The following ARHGAP24 variants were observed in gnomAD, a reference collection of about 807,000 sequenced individuals.
ARHGAP24 encodes the protein Rho GTPase activating protein 24.
Under a neutral mutation model 76.4 loss-of-function variants are expected in ARHGAP24, and 50 were observed. The observed-to-expected ratio is 0.65, with a 90% CI of 0.52 to 0.83. The LOEUF (loss-of-function observed/expected upper bound fraction) is 0.83. Among genes scored for constraint, ARHGAP24 ranks in the 40% least tolerant of loss-of-function variants. ARHGAP24 has a pLI of 0.00. For missense variants in ARHGAP24, 930 were observed against 914.2 expected (o/e 1.02, Z -0.22); for synonymous variants, 345 against 323.3 (o/e 1.07, Z -0.72).
At chr4:85,934,427 T>C (rs1478487185) in intron 4 of ARHGAP24, among the ~76,000 whole-genome samples, 1 of 152,258 alleles carries the variant, frequency 6.6e-6, no homozygotes, top group Non-Finnish European at 1.5e-5. Flanking sequence ...CTTCAAGGCA[T>C]CACTGACTCT....
At chr4:85,524,901 A>G (rs1724920202) in intron 1 of ARHGAP24, among the ~76,000 whole-genome samples, 1 of 152,124 alleles carries the variant, frequency 6.6e-6, no homozygotes, top group South Asian at 2.1e-4. Context: ...GCAGACTAAA[A>G]CCCAACAAAT....
intron 3 of ARHGAP24, among the ~76,000 whole-genome samples, chr4:85,905,675 C>T (rs189829021): frequency 5.3e-5 from 8 of 152,302 alleles, no homozygotes; most frequent in Admixed American, 1.3e-4. Context: ...TTCTGTTGCA[C>T]ATTAGTTTAT....
intron 2 of ARHGAP24, among the ~76,000 whole-genome samples, chr4:85,691,567 G>T (rs938746022): frequency 6.6e-6 from 1 of 152,088 alleles, no homozygotes; most frequent in Non-Finnish European, 1.5e-5. Context: ...AATCTTGTTG[G>T]ATTGTACCTT....
At chr4:85,700,908 C>T (rs571065041) in intron 2 of ARHGAP24, among the ~76,000 whole-genome samples, 1 of 152,088 alleles carries the variant, frequency 6.6e-6, no homozygotes, top group African/African-American at 2.4e-5. Context: ...TAAAATATCT[C>T]TCTTTGTTTG....
At chr4:85,561,474 G>T (rs961131584) in intron 1 of ARHGAP24, among the ~76,000 whole-genome samples, 1 of 152,140 alleles carries the variant, frequency 6.6e-6, no homozygotes, top group African/African-American at 2.4e-5. Flanking sequence ...TGGAGAGTGA[G>T]GGGACAGAAA....
chr4:85,753,945 C>G (rs1383619675), intron 3 of ARHGAP24, among the ~76,000 whole-genome samples: 1 of 152,092 alleles, frequency 6.6e-6, no homozygotes, highest in African/African-American at 2.4e-5. Flanking sequence ...TTGTAATATA[C>G]AATAATATAC....
Position 85,977,656 on chromosome 4 carries a change from G to T in ARHGAP24, c.893G>T (p.Arg298Leu), listed in dbSNP as rs1007199761. 4 of 1,613,694 alleles carry T rather than the reference G, an allele frequency of 2.5e-6. No homozygotes were observed. Among genetic ancestry groups the T allele is most frequent in the Non-Finnish European group, 3.4e-6 (4 of 1,179,808 alleles). ...ACGGTCTTTGGTCCTAATATCCTGC[G>T]CCCCAAAGTGGAAGATCCTTTGACT... Reference protein sequence around the residue: ...LATVFGPNILRPKVEDPLTIM... With the variant: ...LATVFGPNILLPKVEDPLTIM... The change falls in exon 8 of 10, where the codon CGC (arginine) becomes CTC (leucine). Residue 298 changes from arginine to leucine, a missense_variant. Coordinates refer to ENST00000395184, the MANE Select transcript of ARHGAP24 (RefSeq NM_001025616.3).
At chr4:85,579,775 G>A (rs1004769722) in intron 2 of ARHGAP24, among the ~76,000 whole-genome samples, 3 of 151,964 alleles carry the variant, frequency 2.0e-5, no homozygotes, top group Non-Finnish European at 4.4e-5. Flanking sequence ...GTTGTAACAT[G>A]CTATCAGTAC....
At chr4:85,496,095 G>A (rs1723571526) in intron 1 of ARHGAP24, among the ~76,000 whole-genome samples, 1 of 152,180 alleles carries the variant, frequency 6.6e-6, no homozygotes, top group Non-Finnish European at 1.5e-5. Flanking sequence ...GTCACACTTA[G>A]TGATTACAAA....
At chr4:85,916,167 C>T (rs1243064609) in intron 3 of ARHGAP24, among the ~76,000 whole-genome samples, 1 of 152,116 alleles carries the variant, frequency 6.6e-6, no homozygotes, top group Non-Finnish European at 1.5e-5. Context: ...CTCTAATGAC[C>T]AGTGATGATG....
At chr4:85,532,231 G>T (rs1290498125) in intron 1 of ARHGAP24, among the ~76,000 whole-genome samples, 1 of 152,040 alleles carries the variant, frequency 6.6e-6, no homozygotes, top group Non-Finnish European at 1.5e-5. Context: ...CTTTGTGATT[G>T]ATAGTGTTTT....
At chr4:85,633,350 T>C (rs1301231536) in intron 2 of ARHGAP24, among the ~76,000 whole-genome samples, 1 of 151,956 alleles carries the variant, frequency 6.6e-6, no homozygotes, top group Non-Finnish European at 1.5e-5. Flanking sequence ...AGTTACCCAG[T>C]ACAAATGATT....
chr4:85,577,229 G>A (rs1230061194), intron 2 of ARHGAP24, among the ~76,000 whole-genome samples: 1 of 146,856 alleles, frequency 6.8e-6, no homozygotes, highest in Non-Finnish European at 1.5e-5. Flanking sequence ...ATATATCATA[G>A]GAAAAAAAAA....
chr4:85,572,720 AC>A (rs1727186225), intron 2 of ARHGAP24, among the ~76,000 whole-genome samples: 1 of 143,390 alleles, frequency 7.0e-6, no homozygotes, highest in South Asian at 2.3e-4. Flanking sequence ...ACTTGTATTG[AC>A]CAAAAAGTAC....
At chr4:85,886,549 C>G (rs1425102971) in intron 3 of ARHGAP24, among the ~76,000 whole-genome samples, 1 of 152,062 alleles carries the variant, frequency 6.6e-6, no homozygotes, top group Admixed American at 6.6e-5. Flanking sequence ...TTGAGGCCAC[C>G]CAAACTTACG....
chr4:85,634,428 T>C (rs1380075501), intron 2 of ARHGAP24, among the ~76,000 whole-genome samples: 3 of 151,878 alleles, frequency 2.0e-5, no homozygotes, highest in South Asian at 2.1e-4. Flanking sequence ...TTTTCAAATA[T>C]GTCCAAATCC....
chr4:85,940,715 T>C (rs142657330), intron 4 of ARHGAP24, among the ~76,000 whole-genome samples: 2 of 152,310 alleles, frequency 1.3e-5, no homozygotes, highest in East Asian at 3.9e-4. Context: ...GAAAACACTA[T>C]TTCTAATTCT....
At chr4:85,587,142 T>C in intron 2 of ARHGAP24, among the ~76,000 whole-genome samples, 1 of 152,230 alleles carries the variant, frequency 6.6e-6, no homozygotes, top group East Asian at 1.9e-4. Context: ...GTTACTTTTA[T>C]GTAGTCAAAC....
chr4:85,878,027 T>C (rs1333639601), intron 3 of ARHGAP24, among the ~76,000 whole-genome samples: 1 of 152,164 alleles, frequency 6.6e-6, no homozygotes, highest in Non-Finnish European at 1.5e-5. Flanking sequence ...ATGAAAGAAA[T>C]AATACCTTTA....
Sources: gnomAD v4.1 joint callset for allele counts (sites outside exome capture counted in the v4.1 genomes callset) on GRCh38, gnomAD v4.1.1 for gene constraint, MANE v1.5 for transcripts, NCBI Gene and HGNC (gene_info 2026-07-23, HGNC 2026-07-21) for gene names.